ADGRL2: variants seen among roughly 807,000 people sequenced by gnomAD.
ADGRL2 encodes the protein calcium-independent alpha-latrotoxin receptor 2.
ADGRL2 carries 44 observed loss-of-function variants against 157.4 expected under a neutral mutation model. The observed-to-expected ratio is 0.28, with a 90% CI of 0.22 to 0.36. The LOEUF (loss-of-function observed/expected upper bound fraction) is 0.36, where lower values mean the gene tolerates loss of function less well. Ranked by LOEUF, ADGRL2 falls within the 10% of genes least tolerant of loss-of-function variation. The pLI is 1.00. For missense variants in ADGRL2, 1,510 were observed against 1,768.9 expected (o/e 0.85, Z 2.63); for synonymous variants, 585 against 624.7 (o/e 0.94, Z 0.95).
chr1:81,669,160 T>C (rs1180528748), intron 3 of ADGRL2, among the ~76,000 whole-genome samples: 1 of 152,076 alleles, frequency 6.6e-6, no homozygotes, highest in Non-Finnish European at 1.5e-5. Flanking sequence ...TTTGGGACAA[T>C]AGGTAAACAA....
intron 11 of ADGRL2, among the ~76,000 whole-genome samples, chr1:81,957,343 T>G (rs1299841760): frequency 6.6e-6 from 1 of 152,190 alleles, no homozygotes; most frequent in Non-Finnish European, 1.5e-5. Flanking sequence ...TGAGATATAT[T>G]CTGAACAATT....
At chr1:81,747,866 G>A (rs889094749) in intron 1 of ADGRL2, among the ~76,000 whole-genome samples, 21 of 151,866 alleles carry the variant, frequency 1.4e-4, no homozygotes, top group Admixed American at 1.2e-3. Context: ...GCTGACTTTA[G>A]ACAAAAGCTG....
intron 1 of ADGRL2, among the ~76,000 whole-genome samples, chr1:81,435,552 T>C: frequency 6.6e-6 from 1 of 152,350 alleles, no homozygotes; most frequent in African/African-American, 2.4e-5. Context: ...AATAAACTTA[T>C]AGGCCAAGAT....
chr1:81,313,838 T>A (rs1659922915), intron 1 of ADGRL2, among the ~76,000 whole-genome samples: 2 of 152,150 alleles, frequency 1.3e-5, no homozygotes, highest in African/African-American at 2.4e-5. Flanking sequence ...CTGCCATTGA[T>A]TTTTTTCTGG....
At chr1:81,384,564 T>C (rs1425018891) in intron 1 of ADGRL2, among the ~76,000 whole-genome samples, 9 of 152,198 alleles carry the variant, frequency 5.9e-5, no homozygotes, top group Non-Finnish European at 1.2e-4. Flanking sequence ...ATGAATCATT[T>C]TTCTTTGAAT....
At chr1:81,527,424 G>A (rs1020526476) in intron 2 of ADGRL2, among the ~76,000 whole-genome samples, 7 of 152,084 alleles carry the variant, frequency 4.6e-5, no homozygotes, top group Non-Finnish European at 7.4e-5. Context: ...TTATAAAAGC[G>A]GTCGAAGTCG....
At chr1:81,375,269 C>G (rs1445180375) in intron 1 of ADGRL2, among the ~76,000 whole-genome samples, 1 of 152,036 alleles carries the variant, frequency 6.6e-6, no homozygotes, top group African/African-American at 2.4e-5. Context: ...ATCAGTATAG[C>G]CCAAAATTAA....
chr1:81,650,411 T>C (rs1254481308), intron 3 of ADGRL2, among the ~76,000 whole-genome samples: 1 of 151,136 alleles, frequency 6.6e-6, no homozygotes, highest in East Asian at 2.0e-4. Flanking sequence ...CCATCTCTAC[T>C]AAAAAAATAC....
chr1:81,532,680 C>T (rs1014941425), intron 2 of ADGRL2, among the ~76,000 whole-genome samples: 9 of 151,354 alleles, frequency 5.9e-5, no homozygotes, highest in Non-Finnish European at 1.0e-4. Flanking sequence ...TTTGAGAGGC[C>T]GAGGCAAGAG....
intron 1 of ADGRL2, among the ~76,000 whole-genome samples, chr1:81,311,711 G>A (rs1659766866): frequency 2.0e-5 from 3 of 152,106 alleles, no homozygotes; most frequent in African/African-American, 7.2e-5. Context: ...CTCTCTGACA[G>A]CATATTAAAA....
intron 2 of ADGRL2, among the ~76,000 whole-genome samples, chr1:81,492,867 T>C (rs763173284): frequency 9.2e-5 from 14 of 152,316 alleles, no homozygotes; most frequent in Admixed American, 8.5e-4. Context: ...GGATTTCTTC[T>C]TCTATCCAGA....
At chr1:81,677,154 T>C (rs2083013152) in intron 3 of ADGRL2, among the ~76,000 whole-genome samples, 1 of 151,620 alleles carries the variant, frequency 6.6e-6, no homozygotes, top group Non-Finnish European at 1.5e-5. Flanking sequence ...CCTGGCTAAT[T>C]TTGTATTTTT....
intron 2 of ADGRL2, among the ~76,000 whole-genome samples, chr1:81,447,471 G>A (rs1304755865): frequency 1.3e-5 from 2 of 152,116 alleles, no homozygotes; most frequent in Non-Finnish European, 2.9e-5. Context: ...GCAAAAATGG[G>A]TAATGTCTAC....
intron 16 of ADGRL2, among the ~76,000 whole-genome samples, chr1:81,971,204 C>A (rs955912971): frequency 1.3e-5 from 2 of 151,958 alleles, no homozygotes; most frequent in African/African-American, 4.8e-5. Flanking sequence ...TTTGACTGTA[C>A]AGATGATGAA....
At chr1:81,526,709 C>T (rs1014779196) in intron 2 of ADGRL2, among the ~76,000 whole-genome samples, 2 of 152,166 alleles carry the variant, frequency 1.3e-5, no homozygotes, top group African/African-American at 2.4e-5. Flanking sequence ...ACAGTTTCTA[C>T]TTATGTAAAT....
chr1:81,344,666 CAA>C (rs71592731), intron 1 of ADGRL2, among the ~76,000 whole-genome samples: 8 of 56,002 alleles, frequency 1.4e-4, no homozygotes, highest in Non-Finnish European at 2.0e-4. Context: ...AACTCTGTCT[CAA>C]AAAAAAAAAA....
Position 81,950,370 on chromosome 1 carries a change from T to A in ADGRL2, c.1392T>A (p.Asn464Lys), listed in dbSNP as rs758597116. ...VSTTKIPPIT[N>K]IFPLPERFCE... ...CAACCAAAATTCCACCTATAACAAATATTTTTCCCCTGCCAGAGAGATTCT... is the reference window on the plus strand; with the variant it reads ...CAACCAAAATTCCACCTATAACAAAAATTTTTCCCCTGCCAGAGAGATTCT... Residue 464 changes from asparagine (N) to lysine (K), a missense_variant, in exon 7 of 24, where the codon AAT (asparagine) becomes AAA (lysine). Around this residue, in one of 4 missense-constraint regions of ADGRL2, gnomAD observed 325 missense variants for 333.2 expected, o/e 0.98. Transcript: ENST00000686636. The A allele has an allele frequency of 6.2e-7, 1 of 1,613,956 alleles. No homozygotes were observed. The highest frequency in any genetic ancestry group is 8.5e-7 in the Non-Finnish European group (1 of 1,179,930).
intron 2 of ADGRL2, among the ~76,000 whole-genome samples, chr1:81,872,747 T>C (rs1030484546): frequency 5.9e-5 from 9 of 152,138 alleles, no homozygotes; most frequent in Non-Finnish European, 2.9e-5. Context: ...GCTATACATA[T>C]CTACATGGAT....
intron 1 of ADGRL2, among the ~76,000 whole-genome samples, chr1:81,710,733 A>G (rs2083901416): frequency 6.6e-6 from 1 of 150,996 alleles, no homozygotes; most frequent in African/African-American, 2.4e-5. Context: ...TTAATTCAAA[A>G]TTTATGAAGA....
Sources: gnomAD v4.1 joint callset for allele counts (sites outside exome capture counted in the v4.1 genomes callset) on GRCh38, gnomAD v4.1.1 for gene constraint, gnomAD v4.1.1 regional missense constraint, MANE v1.5 for transcripts, NCBI Gene and HGNC (gene_info 2026-07-23, HGNC 2026-07-21) for gene names.